Variants in CARM1 observed in about 807,000 individuals in gnomAD.
The protein encoded by CARM1 is coactivator associated arginine methyltransferase 1.
In CARM1, 14 loss-of-function variants were observed where a neutral mutation model predicts 72.7. That is an observed-to-expected ratio of 0.19 (90% CI 0.13 to 0.30). The LOEUF is 0.30. Among genes scored for constraint, CARM1 ranks in the 10% least tolerant of loss-of-function variants. The pLI, the probability that CARM1 is intolerant of heterozygous loss-of-function variation, is 1.00. For synonymous variants in CARM1, 333 were observed against 345.5 expected, an observed-to-expected ratio of 0.96 and a Z score of 0.40; for missense variants, 432 against 833.7, an observed-to-expected ratio of 0.52 and a Z score of 5.93.
Position 10,912,160 on chromosome 19 carries a change from T to C in CARM1, c.559-24T>C, listed in dbSNP as rs2074156072. 3 of 1,587,278 alleles carry C rather than the reference T, an allele frequency of 1.9e-6. No homozygotes were observed. The highest frequency in any genetic ancestry group is 1.7e-5 in the Admixed American group (1 of 59,996). ...ATCACCGTCGCCTCCTATGTCTCGCTCTCACCTCCCACTCCTCCCTCAGAT... is the reference window on the plus strand; with the variant it reads ...ATCACCGTCGCCTCCTATGTCTCGCCCTCACCTCCCACTCCTCCCTCAGAT... On this transcript the variant is annotated intron_variant, in intron 4 of 15. Coordinates refer to ENST00000327064, the MANE Select transcript of CARM1 (RefSeq NM_199141.2). This position sits in a 1 kb window ranked among gnomAD's most constrained non-coding sequence, Gnocchi z 4.5.
chr19:10,901,657 C>A (rs2074066752), intron 1 of CARM1, among the ~76,000 whole-genome samples: 1 of 150,856 alleles, frequency 6.6e-6, no homozygotes, highest in African/African-American at 2.4e-5. Context: ...TAAAAAAGTT[C>A]TTGGCCCAGC....
chr19:10,911,256 C>T (rs1258817411), intron 4 of CARM1, among the ~76,000 whole-genome samples: 3 of 152,146 alleles, frequency 2.0e-5, no homozygotes, highest in East Asian at 3.8e-4. Flanking sequence ...GATCTCTCCA[C>T]GTGGATCTGC....
Position 10,916,571 on chromosome 19 carries a change from G to A in CARM1, c.938+74G>A, listed in dbSNP as rs990478802. On this transcript the variant is annotated intron_variant, in intron 7 of 15. Coordinates refer to ENST00000327064, the MANE Select transcript of CARM1 (RefSeq NM_199141.2). The surrounding 1 kb of genome is among the most constrained non-coding windows in gnomAD (Gnocchi z 4.4). ...AGGGACAGCCCCAGCTCCCCAGAGA[G>A]CCTGCACTCCTCTTTTTCTGAAAGA... 14 of 1,411,978 alleles carry A rather than the reference G, an allele frequency of 9.9e-6. No individual in the cohort carries two copies. In the African/African-American group the frequency reaches 1.8e-4, roughly 18 times the overall value. The allele number at this position is 1,411,978 out of a possible 1,614,324, so 87.5% of individuals were successfully genotyped here. A position where few individuals can be genotyped will look rare whatever the true frequency, so the allele number is the denominator to read the frequency against.
intron 1 of CARM1, among the ~76,000 whole-genome samples, chr19:10,893,925 T>G (rs1025375396): frequency 6.6e-6 from 1 of 152,184 alleles, no homozygotes; most frequent in Non-Finnish European, 1.5e-5. Flanking sequence ...TAAGTCCTCC[T>G]TGATGCCAAA....
rs1440122129 is a variant in CARM1 at position 10,920,140 on chromosome 19, G to GTA, written c.1196+175_1196+176insAT. The stretch of plus-strand genomic sequence containing the variant: ...GTGGGTGGGGTGTGTGTGTGTGTGT[G>GTA]TGTATGTGTGTGTGTGTCCTGTGTT... On this transcript the variant is annotated intron_variant, in intron 10 of 15. Transcript: ENST00000327064. This position sits in a 1 kb window ranked among gnomAD's most constrained non-coding sequence, Gnocchi z 5.3. Among the ~76,000 whole-genome samples, 3 of 151,752 alleles carry GTA rather than the reference G, an allele frequency of 2.0e-5. No homozygotes were observed. Among genetic ancestry groups the GTA allele is most frequent in the South Asian group, 4.2e-4 (2 of 4,792 alleles).
At chr19:10,921,503 C>G in intron 15 of CARM1, 60 bp downstream of exon 15, 3 of 1,570,438 alleles carry the variant, frequency 1.9e-6, no homozygotes, top group South Asian at 1.2e-5. Flanking sequence ...AGTCGCCATC[C>G]TCTGTCCGGC....
Position 10,921,740 on chromosome 19 carries a change from A to G in CARM1, c.1810A>G (p.Met604Val), listed in dbSNP as rs902389974. Residue 604 changes from methionine (M) to valine (V), a missense_variant, in exon 16 of 16, where the codon ATG (methionine) becomes GTG (valine). By Grantham distance (21) the Met-to-Val change is conservative. This residue lies in a region of CARM1 where 142 missense variants were observed against 188.7 expected (regional missense o/e 0.75). Coordinates refer to ENST00000327064, the MANE Select transcript of CARM1 (RefSeq NM_199141.2). ...GCCCATGTCCATCCCGACCAACACC[A>G]TGCACTACGGGAGCTAGGGGCCCGC... ...ASPMSIPTNT[M>V]HYGS is the part of the protein sequence containing the mutation. 3 of 1,608,144 alleles carry G rather than the reference A, an allele frequency of 1.9e-6. No homozygotes were observed. Among genetic ancestry groups the G allele is most frequent in the Non-Finnish European group, 2.6e-6 (3 of 1,176,362 alleles).
At position 10,913,921 on chromosome 19, in the gene CARM1, C is replaced by T; in HGVS notation, c.714C>T (p.Ile238=). 6.2e-7 allele frequency: 1 copy of T among 1,613,738 alleles called. No individual in the cohort carries two copies. Among genetic ancestry groups the T allele is most frequent in the Non-Finnish European group, 8.5e-7 (1 of 1,179,994 alleles). ...ACCTGACGGACCGCATCGTGGTCAT[C>T]CCGGGCAAGGTGGAGGAGGTGTCAC... ...SNNLTDRIVV[I]PGKVEEVSLP... Residue 238 remains isoleucine (I), a synonymous_variant, in exon 6 of 16, where the codon ATC becomes ATT. Transcript: ENST00000327064.
At chr19:10,906,861 CTTTATTTTATTTTATTTTAT>C (rs58330229) in intron 2 of CARM1, among the ~76,000 whole-genome samples, 187 of 114,908 alleles carry the variant, frequency 1.6e-3, no homozygotes, top group Middle Eastern at 0.013. Flanking sequence ...ATAAATATAG[CTTTATTTTATTTTATTTTAT>C]TTTATTTTAT....
chr19:10,905,071 C>T lies in CARM1; in HGVS notation c.341C>T (p.Pro114Leu). 1 of 1,613,718 alleles carries T rather than the reference C, an allele frequency of 6.2e-7. No homozygotes were observed. Among genetic ancestry groups the T allele is most frequent in the Non-Finnish European group, 8.5e-7 (1 of 1,179,934 alleles). Residue 114 changes from proline (P) to leucine (L), a missense_variant, in exon 2 of 16, where the codon CCC (proline) becomes CTC (leucine). By Grantham distance (98) the Pro-to-Leu change is moderately conservative (BLOSUM62 -3). Transcript: ENST00000327064. Reference protein sequence around the residue: ...CNSVLIQFATPNDFCSFYNIL... With the variant: ...CNSVLIQFATLNDFCSFYNIL... ...AGCGTCCTCATCCAGTTCGCCACAC[C>T]CAACGGTACGTGGCCCTCCTTCCAT...
In CARM1 at chr19:10,920,560, A is replaced by G; in HGVS notation, c.1321A>G (p.Ile441Val). 6.2e-7 allele frequency: 1 copy of G among 1,613,800 alleles called. No individual in the cohort carries two copies. The highest frequency in any genetic ancestry group is 1.7e-5 in the Admixed American group (1 of 59,984). Residue 441 changes from isoleucine to valine, a missense_variant, in exon 11 of 16, where the codon ATT becomes GTT. Physicochemically the swap from Ile to Val is conservative, Grantham distance 29 (BLOSUM62 3). This residue lies in a region of CARM1 where 152 missense variants were observed against 452.8 expected (regional missense o/e 0.34). Coordinates refer to ENST00000327064, the MANE Select transcript of CARM1 (RefSeq NM_199141.2). The surrounding 1 kb of genome is among the most constrained non-coding windows in gnomAD (Gnocchi z 5.3). ...GDTLSGTCLL[I>V]ANKRQSYDIS... ...CACGCTCTCAGGGACATGTCTGCTT[A>G]TTGCCAACAAAAGGTGCGACTGCTC...
In CARM1 at chr19:10,916,866, G is replaced by A. The variant is rs2074201251; in HGVS notation, c.1020+89G>A. ...CCTCAGGAAGCTACAGCCCCTCTCT[G>A]AGCCCTCTCCTCTGCCCTGCACAGC... On this transcript the variant is annotated intron_variant, in intron 8 of 15. Transcript: ENST00000327064. The surrounding 1 kb of genome is among the most constrained non-coding windows in gnomAD (Gnocchi z 4.4). The A allele has an allele frequency of 1.0e-6, 1 of 1,000,552 alleles. No homozygotes were observed. Among genetic ancestry groups the A allele is most frequent in the Admixed American group, 2.2e-5 (1 of 44,864 alleles). 62.0% of individuals were successfully genotyped at this position (1,000,552 alleles called of 1,614,324 possible).
At chr19:10,917,450 C>A (rs2074207022) in intron 8 of CARM1, among the ~76,000 whole-genome samples, 1 of 152,018 alleles carries the variant, frequency 6.6e-6, no homozygotes, top group African/African-American at 2.4e-5. Flanking sequence ...GCACTCCAGC[C>A]TGGGCGACAG....
chr19:10,911,487 G>A (rs951634685), intron 4 of CARM1, among the ~76,000 whole-genome samples: 9 of 152,170 alleles, frequency 5.9e-5, no homozygotes, highest in Non-Finnish European at 1.5e-5. Context: ...TCCATTTCCT[G>A]GTTCATCTGG....
At chr19:10,890,570 G>A (rs1344429554) in intron 1 of CARM1, among the ~76,000 whole-genome samples, 1 of 150,950 alleles carries the variant, frequency 6.6e-6, no homozygotes, top group Non-Finnish European at 1.5e-5. Context: ...ACCGCGCCTA[G>A]CCTAAAAATT....
At chr19:10,900,511 T>A (rs567523217) in intron 1 of CARM1, among the ~76,000 whole-genome samples, 6 of 152,298 alleles carry the variant, frequency 3.9e-5, no homozygotes, top group Admixed American at 3.9e-4. Flanking sequence ...GCTCAGTGCT[T>A]CCTTTATTTT....
At chr19:10,878,119 A>G (rs1396908179) in intron 1 of CARM1, among the ~76,000 whole-genome samples, 1 of 152,290 alleles carries the variant, frequency 6.6e-6, no homozygotes. Flanking sequence ...AGCTGGGATT[A>G]TAGTCACGAA....
At chr19:10,913,459 AC>A (rs1355799308) in intron 5 of CARM1, among the ~76,000 whole-genome samples, 2 of 140,272 alleles carry the variant, frequency 1.4e-5, no homozygotes, top group Non-Finnish European at 3.1e-5. Flanking sequence ...AATCGCTAGA[AC>A]CCGGGAGGCA....
intron 1 of CARM1, among the ~76,000 whole-genome samples, chr19:10,875,993 A>G (rs2073861678): frequency 6.6e-6 from 1 of 151,642 alleles, no homozygotes; most frequent in African/African-American, 2.4e-5. Flanking sequence ...TGGCCTCCCA[A>G]AGTCCTGGGA....
Sources: gnomAD v4.1 joint callset for allele counts (sites outside exome capture counted in the v4.1 genomes callset) on GRCh38, gnomAD v4.1.1 for gene constraint, gnomAD v4.1.1 regional missense constraint, Gnocchi (gnomAD v3.1) non-coding constraint, MANE v1.5 for transcripts, NCBI Gene and HGNC (gene_info 2026-07-23, HGNC 2026-07-21) for gene names.